The following CSMD1 variants were observed in gnomAD, a reference collection of about 807,000 sequenced individuals.
The protein encoded by CSMD1 is CUB and sushi domain-containing protein 1.
Under a neutral mutation model 417.5 loss-of-function variants are expected in CSMD1, and 213 were observed. The observed-to-expected ratio is 0.51, with a 90% CI of 0.46 to 0.57. The LOEUF (loss-of-function observed/expected upper bound fraction) is 0.57, where lower values mean the gene tolerates loss of function less well. Ranked by LOEUF, CSMD1 falls within the 20% of genes least tolerant of loss-of-function variation. The pLI is 0.00. For synonymous variants in CSMD1, 2,862 were observed against 1,736.8 expected (o/e 1.65, Z -16.11); for missense variants, 6,923 against 4,529.7 (o/e 1.53, Z -15.17).
At chr8:4,374,995 G>C (rs572659042) in intron 3 of CSMD1, among the ~76,000 whole-genome samples, 5 of 145,652 alleles carry the variant, frequency 3.4e-5, no homozygotes, top group Non-Finnish European at 7.6e-5. Context: ...GTACGGGCAA[G>C]GAGCAATAGT....
intron 1 of CSMD1, among the ~76,000 whole-genome samples, chr8:4,653,525 G>C (rs1046289325): frequency 6.6e-5 from 10 of 152,008 alleles, no homozygotes; most frequent in African/African-American, 2.4e-4. Context: ...ATAGATTTTA[G>C]CAACCCATGC....
intron 10 of CSMD1, among the ~76,000 whole-genome samples, chr8:3,513,700 A>G (rs191508854): frequency 5.4e-4 from 83 of 152,330 alleles, no homozygotes; most frequent in Admixed American, 5.2e-3. Context: ...ACACTTGGAT[A>G]TGTAAGTCTA....
intron 3 of CSMD1, among the ~76,000 whole-genome samples, chr8:4,361,450 A>G (rs1801755236): frequency 6.6e-6 from 1 of 150,562 alleles, no homozygotes; most frequent in African/African-American, 2.5e-5. Flanking sequence ...TTTTATCTTC[A>G]TTACAGCCTA....
At chr8:3,816,158 G>C (rs1243319699) in intron 5 of CSMD1, among the ~76,000 whole-genome samples, 1 of 152,058 alleles carries the variant, frequency 6.6e-6, no homozygotes. Flanking sequence ...AAACAAGATT[G>C]GATAAAAACC....
At chr8:4,345,925 G>A (rs1584933515) in intron 3 of CSMD1, among the ~76,000 whole-genome samples, 1 of 151,982 alleles carries the variant, frequency 6.6e-6, no homozygotes, top group African/African-American at 2.4e-5. Context: ...CAAGGGAGGG[G>A]CTTTTCTTCC....
At chr8:3,387,356 G>T in intron 18 of CSMD1, 138 bp downstream of exon 18, 1 of 620,752 alleles carries the variant, frequency 1.6e-6, no homozygotes, top group Non-Finnish European at 2.8e-6. Flanking sequence ...ATACGATGAT[G>T]GTATACAACT....
intron 1 of CSMD1, among the ~76,000 whole-genome samples, chr8:4,648,135 G>A (rs984109320): frequency 6.6e-6 from 1 of 152,146 alleles, no homozygotes; most frequent in African/African-American, 2.4e-5. Flanking sequence ...GCATCTCACT[G>A]TGGTTTTGAT....
chr8:4,507,799 T>C (rs574420529), intron 2 of CSMD1, among the ~76,000 whole-genome samples: 38 of 152,312 alleles, frequency 2.5e-4, no homozygotes, highest in Admixed American at 2.2e-3. Flanking sequence ...AGAAGCTTTA[T>C]ATGAGAATGT....
rs145493242 is a variant in CSMD1, at chr8:4,160,655, T to C, written c.416-128556A>G. Among the ~76,000 whole-genome samples, 91 of 152,364 alleles carry C rather than the reference T, an allele frequency of 6.0e-4. 1 individual carries two copies. The highest frequency in any genetic ancestry group is 9.7e-4 in the Non-Finnish European group (66 of 68,036). ...CACTCTGGAAGTCTTTGTACTTGTG[T>C]GTGCACAGACACATGTCCACGCAAT... On this transcript the variant is annotated intron_variant, in intron 3 of 69. Coordinates refer to ENST00000635120, the MANE Select transcript of CSMD1 (RefSeq NM_033225.6).
chr8:4,706,649 G>C (rs1419544708), intron 1 of CSMD1, among the ~76,000 whole-genome samples: 3 of 152,178 alleles, frequency 2.0e-5, no homozygotes, highest in Non-Finnish European at 4.4e-5. Flanking sequence ...AAGAAATAAA[G>C]ATAAACAATT....
intron 3 of CSMD1, among the ~76,000 whole-genome samples, chr8:4,196,224 T>C (rs569461237): frequency 1.3e-5 from 2 of 152,106 alleles, no homozygotes; most frequent in East Asian, 1.9e-4. Context: ...AATAAATAAA[T>C]AAATAAATAA....
intron 41 of CSMD1, chr8:3,128,366 A>C (rs1817619277): frequency 6.5e-6 from 1 of 153,218 alleles, no homozygotes; most frequent in African/African-American, 2.4e-5. Flanking sequence ...AGTTCTTAAT[A>C]AGTCATTTAA....
At chr8:3,296,827 A>G (rs1017161768) in intron 25 of CSMD1, among the ~76,000 whole-genome samples, 1 of 152,128 alleles carries the variant, frequency 6.6e-6, no homozygotes, top group Non-Finnish European at 1.5e-5. Context: ...TGGGATGGGG[A>G]AAATCAGAGT....
intron 3 of CSMD1, among the ~76,000 whole-genome samples, chr8:4,099,379 C>T (rs1801187393): frequency 6.6e-6 from 1 of 152,092 alleles, no homozygotes; most frequent in African/African-American, 2.4e-5. Flanking sequence ...AATCACGCCT[C>T]ACCTCCTATC....
intron 2 of CSMD1, among the ~76,000 whole-genome samples, chr8:4,522,057 AC>A (rs1179040775): frequency 2.7e-4 from 41 of 152,254 alleles, no homozygotes; most frequent in Admixed American, 2.6e-3. Flanking sequence ...CTGTGTCCCC[AC>A]CCAAATCTCA....
At chr8:4,632,040 C>G (rs1001022439) in intron 2 of CSMD1, among the ~76,000 whole-genome samples, 1 of 152,144 alleles carries the variant, frequency 6.6e-6, no homozygotes, top group Non-Finnish European at 1.5e-5. Context: ...TCAATTGTTT[C>G]TGATTTGGGA....
intron 3 of CSMD1, among the ~76,000 whole-genome samples, chr8:4,113,045 T>A (rs1238566099): frequency 6.6e-6 from 1 of 152,124 alleles, no homozygotes; most frequent in Admixed American, 6.5e-5. Flanking sequence ...CCATTTAAGG[T>A]GTTTTGGGGA....
chr8:4,854,546 G>C (rs995215390), intron 1 of CSMD1, among the ~76,000 whole-genome samples: 1 of 152,210 alleles, frequency 6.6e-6, no homozygotes, highest in Non-Finnish European at 1.5e-5. Context: ...GTGCAGGTCA[G>C]TGGGTGCGCG....
At chr8:3,804,014 A>G (rs1455553642) in intron 5 of CSMD1, among the ~76,000 whole-genome samples, 2 of 151,532 alleles carry the variant, frequency 1.3e-5, no homozygotes, top group African/African-American at 4.9e-5. Context: ...TGCAACCTCC[A>G]CCTCCTGAGT....
Sources: allele counts gnomAD v4.1 joint callset (sites outside exome capture counted in the v4.1 genomes callset), GRCh38; gene constraint gnomAD v4.1.1; transcripts MANE v1.5; gene names NCBI Gene and HGNC (gene_info 2026-07-23, HGNC 2026-07-21).